CAMK2D: variants seen among roughly 807,000 people sequenced by gnomAD.
CAMK2D encodes calcium/calmodulin-dependent protein kinase type II subunit delta.
A neutral mutation model predicts 84.0 loss-of-function variants in CAMK2D; 37 were observed. That is an observed-to-expected ratio of 0.44 (90% CI 0.34 to 0.58). CAMK2D has a LOEUF of 0.58. CAMK2D is among the 20% of genes least tolerant of loss of function. CAMK2D has a pLI of 0.02. For synonymous variants in CAMK2D, 202 were observed against 212.5 expected (o/e 0.95, Z 0.43); for missense variants, 448 against 652.5 (o/e 0.69, Z 3.41).
chr4:113,744,050 C>G (rs2148959466), intron 2 of CAMK2D, among the ~76,000 whole-genome samples: 1 of 152,212 alleles, frequency 6.6e-6, no homozygotes, highest in East Asian at 1.9e-4. Flanking sequence ...ACAGTGTTAG[C>G]CAGATGGTCT....
chr4:113,733,257 T>G (rs565532407), intron 2 of CAMK2D, among the ~76,000 whole-genome samples: 2 of 152,248 alleles, frequency 1.3e-5, no homozygotes, highest in Admixed American at 6.5e-5. Context: ...TTGAATACTT[T>G]CCTATGTTCC....
At chr4:113,528,408 AC>A (rs2098436298) in intron 8 of CAMK2D, among the ~76,000 whole-genome samples, 1 of 152,144 alleles carries the variant, frequency 6.6e-6, no homozygotes, top group Admixed American at 6.6e-5. Context: ...TCTCTTAACC[AC>A]TATACATACT....
Position 113,712,728 on chromosome 4 carries a change from C to T in CAMK2D, c.160+46592G>A, listed in dbSNP as rs116169625. ...AATATATAACAAAAACATTTATCCA[C>T]CGCCATGTTTAAACCAATATTAAGA... On this transcript the variant is annotated intron_variant, in intron 2 of 20. Coordinates refer to ENST00000511664, the MANE Select transcript of CAMK2D (RefSeq NM_001321571.2). 8.0e-3 allele frequency among the ~76,000 whole-genome samples: 1,219 copies of T among 151,938 alleles called. 6 individuals are homozygous for T. The highest frequency in any genetic ancestry group is 0.028 in the African/African-American group (1,148 of 41,426).
intron 16 of CAMK2D, among the ~76,000 whole-genome samples, chr4:113,497,778 A>G (rs1489631471): frequency 6.6e-6 from 1 of 152,222 alleles, no homozygotes; most frequent in Non-Finnish European, 1.5e-5. Context: ...AAGGAATCAT[A>G]TACCACCATA....
intron 2 of CAMK2D, among the ~76,000 whole-genome samples, chr4:113,709,308 T>A (rs2099478718): frequency 6.6e-6 from 1 of 152,122 alleles, no homozygotes; most frequent in South Asian, 2.1e-4. Flanking sequence ...AGATTATCAT[T>A]TTTTATGACT....
intron 16 of CAMK2D, among the ~76,000 whole-genome samples, chr4:113,472,717 A>T (rs1323741624): frequency 6.6e-6 from 1 of 152,218 alleles, no homozygotes; most frequent in Non-Finnish European, 1.5e-5. Context: ...GCAGAGTGTC[A>T]TATGTTGAAA....
chr4:113,623,079 C>T (rs954957945), intron 3 of CAMK2D, among the ~76,000 whole-genome samples: 3 of 152,078 alleles, frequency 2.0e-5, no homozygotes, highest in Admixed American at 1.3e-4. Flanking sequence ...AGTTTGCCAA[C>T]TTCTGGATTA....
chr4:113,637,690 C>T (rs959066173), intron 3 of CAMK2D, among the ~76,000 whole-genome samples: 2 of 152,024 alleles, frequency 1.3e-5, no homozygotes, highest in Non-Finnish European at 2.9e-5. Flanking sequence ...GTGGTATAAA[C>T]TTGGATGTAA....
chr4:113,483,124 A>G (rs934881822), intron 16 of CAMK2D, among the ~76,000 whole-genome samples: 2 of 152,236 alleles, frequency 1.3e-5, no homozygotes, highest in African/African-American at 4.8e-5. Context: ...AATGCAAAAA[A>G]TAGCTATTCA....
chr4:113,482,513 G>A (rs969748884), intron 16 of CAMK2D, among the ~76,000 whole-genome samples: 1 of 152,202 alleles, frequency 6.6e-6, no homozygotes, highest in African/African-American at 2.4e-5. Flanking sequence ...CTATACAGGA[G>A]TATTGCAATG....
At chr4:113,681,874 A>G (rs2099346952) in intron 2 of CAMK2D, among the ~76,000 whole-genome samples, 1 of 152,192 alleles carries the variant, frequency 6.6e-6, no homozygotes, top group Admixed American at 6.5e-5. Context: ...ATTAAAAAAA[A>G]AAAACAGCCT....
At chr4:113,626,422 T>G (rs924415376) in intron 3 of CAMK2D, among the ~76,000 whole-genome samples, 1 of 152,234 alleles carries the variant, frequency 6.6e-6, no homozygotes, top group African/African-American at 2.4e-5. Context: ...TGTGTACTAT[T>G]GTTATTATTA....
chr4:113,454,762 A>G (rs1208451513), intron 20 of CAMK2D, among the ~76,000 whole-genome samples: 1 of 152,222 alleles, frequency 6.6e-6, no homozygotes, highest in African/African-American at 2.4e-5. Context: ...AGCTAAAAAT[A>G]AAGAGACAGA....
intron 2 of CAMK2D, among the ~76,000 whole-genome samples, chr4:113,688,706 A>G (rs1257630788): frequency 1.3e-5 from 2 of 151,968 alleles, no homozygotes; most frequent in South Asian, 4.2e-4. Context: ...AGAATTGCCA[A>G]CTTCCGGACC....
chr4:113,664,805 A>AT (rs201297299), intron 2 of CAMK2D, among the ~76,000 whole-genome samples: 34,300 of 145,378 alleles, frequency 0.24, 4,209 homozygotes, highest in African/African-American at 0.3. Flanking sequence ...GCCACAGTAG[A>AT]TTTTTTTTTT....
chr4:113,507,468 C>T (rs1287538545), intron 13 of CAMK2D, among the ~76,000 whole-genome samples: 7 of 151,558 alleles, frequency 4.6e-5, no homozygotes, highest in East Asian at 1.9e-4. Context: ...GGGGTTTTAC[C>T]GTGTTGGCCA....
intron 4 of CAMK2D, among the ~76,000 whole-genome samples, chr4:113,563,847 A>G (rs546952762): frequency 2.6e-5 from 4 of 152,330 alleles, no homozygotes; most frequent in East Asian, 3.9e-4. Flanking sequence ...CCACCCAAAT[A>G]TACTTCATGT....
At chr4:113,504,292 A>G (rs1261453858) in intron 14 of CAMK2D, among the ~76,000 whole-genome samples, 1 of 152,216 alleles carries the variant, frequency 6.6e-6, no homozygotes, top group Non-Finnish European at 1.5e-5. Flanking sequence ...AAAGTGTTAG[A>G]CTAATTTAGT....
intron 16 of CAMK2D, among the ~76,000 whole-genome samples, chr4:113,470,384 G>T (rs1044519332): frequency 1.3e-5 from 2 of 152,134 alleles, no homozygotes; most frequent in Non-Finnish European, 2.9e-5. Context: ...GGTGGCTCAT[G>T]CCTGTAATCT....
Sources: allele counts gnomAD v4.1 joint callset (sites outside exome capture counted in the v4.1 genomes callset), GRCh38; gene constraint gnomAD v4.1.1; transcripts MANE v1.5; gene names NCBI Gene and HGNC (gene_info 2026-07-23, HGNC 2026-07-21).